Variants in TM9SF3 observed in about 807,000 individuals in gnomAD.
TM9SF3 encodes the protein transmembrane 9 superfamily member 3, also known as SM-11044-binding protein.
TM9SF3 carries 14 observed loss-of-function variants against 78.6 expected under a neutral mutation model. The observed-to-expected ratio is 0.18, with a 90% CI of 0.12 to 0.28. The LOEUF (loss-of-function observed/expected upper bound fraction) is 0.28, where lower values mean the gene tolerates loss of function less well. Among genes scored for constraint, TM9SF3 ranks in the 10% least tolerant of loss-of-function variants. TM9SF3 has a pLI of 1.00. For missense variants in TM9SF3, 496 were observed against 721.9 expected (o/e 0.69, Z 3.59); for synonymous variants, 231 against 241.7 (o/e 0.96, Z 0.41).
chr10:96,552,805 T>C, intron 6 of TM9SF3, 123 bp downstream of exon 6: 1 of 978,252 alleles, frequency 1.0e-6, no homozygotes, highest in Non-Finnish European at 1.4e-6. Flanking sequence ...TTCTTAACTC[T>C]AAAAATCCTG....
At chr10:96,573,902 T>C (rs774158052) in intron 2 of TM9SF3, among the ~76,000 whole-genome samples, 2 of 152,144 alleles carry the variant, frequency 1.3e-5, no homozygotes, top group Non-Finnish European at 2.9e-5. Flanking sequence ...ACCCCTTCCT[T>C]ACACCTTAAG....
chr10:96,567,532 A>G (rs957817172), intron 2 of TM9SF3, among the ~76,000 whole-genome samples: 1 of 152,150 alleles, frequency 6.6e-6, no homozygotes, highest in Non-Finnish European at 1.5e-5. Flanking sequence ...TTTTTTGCTC[A>G]TGCTGTTAAC....
chr10:96,520,164 A>G lies in TM9SF3; in HGVS notation c.*2099T>C, dbSNP rs1023404994. 1.7e-4 allele frequency: 26 copies of G among 151,940 alleles called. No homozygotes were observed. The highest frequency in any genetic ancestry group is 5.6e-4 in the African/African-American group (23 of 41,432). 9.4% of individuals were successfully genotyped at this position (151,940 alleles called of 1,614,324 possible). A position where few individuals can be genotyped will look rare whatever the true frequency, so the allele number is the denominator to read the frequency against. ...TTTGAATAAAAGTGGTGAGAAAGAA[A>G]CCAAAAAAGTACTTTATATATAGTT... On this transcript the variant is annotated 3_prime_UTR_variant, in exon 15 of 15. Coordinates refer to ENST00000371142, the MANE Select transcript of TM9SF3 (RefSeq NM_020123.4).
Position 96,586,624 on chromosome 10 carries a change from C to T in TM9SF3, c.102+110G>A. 3 of 925,550 alleles carry T rather than the reference C, an allele frequency of 3.2e-6. No homozygotes were observed. In the East Asian group the frequency reaches 1.1e-4, roughly 35 times the overall value. The allele number at this position is 925,550 out of a possible 1,614,324, so 57.3% of individuals were successfully genotyped here. On this transcript the variant is annotated intron_variant, in intron 1 of 14. Coordinates refer to ENST00000371142, the MANE Select transcript of TM9SF3 (RefSeq NM_020123.4). ...GGCCCAACCGGAAGGAGTCCTCGGG[C>T]CGCAGTGGGGCACCACCGGGCCGCC...
chr10:96,560,213 GC>G, intron 4 of TM9SF3: 20 of 1,007,322 alleles, frequency 2.0e-5, no homozygotes, highest in East Asian at 2.5e-5. Context: ...ATGGACATGA[GC>G]CCCCTGAGGC....
chr10:96,545,135 T>C (rs1368145432), intron 8 of TM9SF3, among the ~76,000 whole-genome samples: 1 of 152,164 alleles, frequency 6.6e-6, no homozygotes, highest in Admixed American at 6.5e-5. Context: ...ATTTTGCTCA[T>C]ACAGACCAGA....
intron 2 of TM9SF3, among the ~76,000 whole-genome samples, chr10:96,569,042 G>A (rs1038184453): frequency 7.9e-5 from 12 of 152,092 alleles, no homozygotes; most frequent in Non-Finnish European, 1.5e-4. Flanking sequence ...AGAAAAATTA[G>A]CCAGGCATGG....
chr10:96,539,951 C>T (rs575439848), intron 9 of TM9SF3, among the ~76,000 whole-genome samples: 11 of 152,128 alleles, frequency 7.2e-5, no homozygotes, highest in Non-Finnish European at 8.8e-5. Context: ...TATCTCTTTG[C>T]GTTCTTCTGA....
intron 1 of TM9SF3, among the ~76,000 whole-genome samples, chr10:96,580,250 T>C (rs1285145911): frequency 6.6e-6 from 1 of 150,558 alleles, no homozygotes; most frequent in East Asian, 1.9e-4. Flanking sequence ...TTCCTCCCCT[T>C]TTCTGCTTCA....
chr10:96,580,015 C>T (rs1848543428), intron 1 of TM9SF3, among the ~76,000 whole-genome samples: 1 of 152,054 alleles, frequency 6.6e-6, no homozygotes, highest in Admixed American at 6.6e-5. Flanking sequence ...AGTGCTAGGC[C>T]CAGAAGAAGG....
intron 2 of TM9SF3, among the ~76,000 whole-genome samples, chr10:96,572,183 A>C (rs564411880): frequency 6.6e-6 from 1 of 152,286 alleles, no homozygotes; most frequent in East Asian, 1.9e-4. Flanking sequence ...TAGTATTCCT[A>C]ATTACCACTT....
chr10:96,522,663 CTTTGA>C (rs1489948590), intron 14 of TM9SF3, among the ~76,000 whole-genome samples: 2 of 151,830 alleles, frequency 1.3e-5, no homozygotes, highest in Non-Finnish European at 2.9e-5. Context: ...AACATGCCTT[CTTTGA>C]TTTGAAGATA....
In TM9SF3 at chr10:96,543,941, T is replaced by A. The variant is rs1447141580; in HGVS notation, c.1185+135A>T. ...GCTAACAACAGTAGTATTCTCCTCA[T>A]CTAACTTTCCAGGACTGAGTATGAA... On this transcript the variant is annotated intron_variant, in intron 9 of 14. Coordinates refer to ENST00000371142, the MANE Select transcript of TM9SF3 (RefSeq NM_020123.4). The A allele has an allele frequency of 4.6e-6, 4 of 875,274 alleles. No homozygotes were observed. In the African/African-American group the frequency reaches 6.9e-5, roughly 15 times the overall value. The allele number at this position is 875,274 out of a possible 1,614,324, so 54.2% of individuals were successfully genotyped here.
At chr10:96,527,126 A>C in intron 14 of TM9SF3, 87 bp downstream of exon 14, 1 of 1,176,470 alleles carries the variant, frequency 8.5e-7, no homozygotes, top group Non-Finnish European at 1.2e-6. Flanking sequence ...AACAACAGAT[A>C]AAATTTCTTA....
chr10:96,584,066 C>A (rs1848603820), intron 1 of TM9SF3, among the ~76,000 whole-genome samples: 2 of 151,850 alleles, frequency 1.3e-5, no homozygotes, highest in South Asian at 2.1e-4. Context: ...CAAAAAAAAA[C>A]AGTGCATAGC....
At chr10:96,529,143 T>G (rs879130069) in intron 11 of TM9SF3, among the ~76,000 whole-genome samples, 1 of 152,132 alleles carries the variant, frequency 6.6e-6, no homozygotes, top group African/African-American at 2.4e-5. Context: ...CAAAGCATTG[T>G]CAGACTGGAA....
chr10:96,549,751 T>C (rs1182500604), intron 7 of TM9SF3, among the ~76,000 whole-genome samples: 1 of 148,634 alleles, frequency 6.7e-6, no homozygotes, highest in Non-Finnish European at 1.5e-5. Flanking sequence ...GCTAATATTA[T>C]ACATTAGTGA....
chr10:96,533,233 A>C (rs1175802968), intron 9 of TM9SF3, 43 bp from the exon 10 acceptor site: 1 of 1,580,078 alleles, frequency 6.3e-7, no homozygotes, highest in Admixed American at 1.8e-5. Context: ...GAGAACAATA[A>C]CATTAATATA....
At chr10:96,571,141 G>A (rs542012852) in intron 2 of TM9SF3, among the ~76,000 whole-genome samples, 2 of 152,344 alleles carry the variant, frequency 1.3e-5, no homozygotes, top group Non-Finnish European at 2.9e-5. Flanking sequence ...AGTGATGCCT[G>A]TAAGGGAGGG....
Sources: gnomAD v4.1 joint callset for allele counts (sites outside exome capture counted in the v4.1 genomes callset) on GRCh38, gnomAD v4.1.1 for gene constraint, MANE v1.5 for transcripts, NCBI Gene and HGNC (gene_info 2026-07-23, HGNC 2026-07-21) for gene names.